Variants in UGT2A1 observed in about 807,000 individuals in gnomAD.
The protein encoded by UGT2A1 is UDP-glucuronosyltransferase 2A1.
Under a neutral mutation model 45.4 loss-of-function variants are expected in UGT2A1, and 61 were observed. That is an observed-to-expected ratio of 1.34 (90% CI 1.09 to 1.66). The LOEUF (loss-of-function observed/expected upper bound fraction) is 1.66, where lower values mean the gene tolerates loss of function less well. UGT2A1 is among the 40% of genes most tolerant of loss of function. UGT2A1 has a pLI of 0.00. For missense variants in UGT2A1, 649 were observed against 574.3 expected, an observed-to-expected ratio of 1.13 and a Z score of -1.33; for synonymous variants, 229 against 196.2, an observed-to-expected ratio of 1.17 and a Z score of -1.40.
Position 69,594,653 on chromosome 4 carries a change from A to T in UGT2A1, c.1128T>A (p.Asn376Lys). 1 of 1,614,116 alleles carries T rather than the reference A, an allele frequency of 6.2e-7. No individual in the cohort carries two copies. Among genetic ancestry groups the T allele is most frequent in the Non-Finnish European group, 8.5e-7 (1 of 1,180,028 alleles). Residue 376 changes from asparagine to lysine, a missense_variant, in exon 6 of 7, where the codon AAT becomes AAA. By Grantham distance (94) the Asn-to-Lys change is moderately conservative. Coordinates refer to ENST00000286604, the MANE Select transcript of UGT2A1 (RefSeq NM_001252275.3). The stretch of plus-strand genomic sequence containing the variant: ...CGTGGTAAATAGCTTCGTAGATCCC[A>T]TTAGTTCCACCATGAGTGATAAAAG... The part of the protein sequence containing the change: ...TKAFITHGGT[N>K]GIYEAIYHGV...
chr4:69,617,010 T>C (rs373591331), intron 3 of UGT2A1, among the ~76,000 whole-genome samples: 9 of 151,884 alleles, frequency 5.9e-5, no homozygotes, highest in Admixed American at 2.6e-4. Flanking sequence ...ATGAGAAATA[T>C]GTAGCTGGTG....
At chr4:69,631,823 G>C (rs1356537833) in intron 3 of UGT2A1, among the ~76,000 whole-genome samples, 2 of 152,048 alleles carry the variant, frequency 1.3e-5, no homozygotes, top group African/African-American at 4.8e-5. Context: ...AATCACAATT[G>C]AGCTAAAAAC....
intron 2 of UGT2A1, among the ~76,000 whole-genome samples, chr4:69,644,860 A>T (rs910195430): frequency 2.0e-5 from 3 of 151,746 alleles, no homozygotes; most frequent in African/African-American, 7.3e-5. Flanking sequence ...CCTCATTCAC[A>T]TACTAACCTA....
chr4:69,641,531 C>G (rs2109972913), intron 2 of UGT2A1, among the ~76,000 whole-genome samples: 1 of 151,862 alleles, frequency 6.6e-6, no homozygotes, highest in African/African-American at 2.4e-5. Flanking sequence ...AGCCTGGAAA[C>G]CAGCTTTCAT....
At chr4:69,641,514 C>CA (rs35101874) in intron 2 of UGT2A1, among the ~76,000 whole-genome samples, 20 of 151,466 alleles carry the variant, frequency 1.3e-4, no homozygotes, top group African/African-American at 2.7e-4. Context: ...TCCCCAAGGC[C>CA]AAAAAAAGCC....
At chr4:69,598,950 C>T (rs1402866096) in intron 4 of UGT2A1, among the ~76,000 whole-genome samples, 1 of 152,068 alleles carries the variant, frequency 6.6e-6, no homozygotes. Flanking sequence ...GGGCAGTATC[C>T]TTCGTAATTT....
rs1055151153 is a variant in UGT2A1 at position 69,627,942 on chromosome 4, G to A, written c.847+7749C>T. Among the ~76,000 whole-genome samples the A allele has an allele frequency of 5.9e-5, 9 of 151,734 alleles. No individual in the cohort carries two copies. In the East Asian group the frequency reaches 9.7e-4, roughly 16 times the overall value. On this transcript the variant is annotated intron_variant, in intron 3 of 6. Transcript: ENST00000286604. Reference sequence around the variant, plus strand: ...ACCCTTTATCATATATATGTCTTACGAATATTCACTTCCATTCCACAGATT... The same window carrying A: ...ACCCTTTATCATATATATGTCTTACAAATATTCACTTCCATTCCACAGATT...
intron 2 of UGT2A1, chr4:69,639,391 G>GT (rs1721922420): frequency 6.2e-7 from 1 of 1,613,398 alleles, no homozygotes; most frequent in South Asian, 1.1e-5. Context: ...TAGGAAACAG[G>GT]TATCACTTCA....
chr4:69,626,270 C>T (rs1028789992), intron 3 of UGT2A1, among the ~76,000 whole-genome samples: 1 of 150,660 alleles, frequency 6.6e-6, no homozygotes, highest in African/African-American at 2.4e-5. Context: ...CATTTTATTT[C>T]GGAGTAAATT....
intron 6 of UGT2A1, among the ~76,000 whole-genome samples, chr4:69,593,310 T>C (rs1382068792): frequency 7.0e-6 from 1 of 143,016 alleles, no homozygotes; most frequent in Non-Finnish European, 1.5e-5. Flanking sequence ...AGAGTAAATG[T>C]GAGAAAAAAA....
chr4:69,642,430 G>A (rs1157204194), intron 2 of UGT2A1, among the ~76,000 whole-genome samples: 1 of 151,558 alleles, frequency 6.6e-6, no homozygotes, highest in Non-Finnish European at 1.5e-5. Context: ...GCAAAGGAAT[G>A]ATTAGTAAGA....
At position 69,647,528 on chromosome 4, in the gene UGT2A1, A is replaced by C. The variant is rs1338866237; in HGVS notation, c.117T>G (p.Ile39Met). Reference sequence around the variant, plus strand: ...GCTCCTTTTTAATGAGCTCATCTATAATTATCTTAACATTTAGCCAATGAC... The same window carrying C: ...GCTCCTTTTTAATGAGCTCATCTATCATTATCTTAACATTTAGCCAATGAC... ...EGSHWLNVKI[I>M]IDELIKKEHN... The change falls in exon 2 of 7, where the codon ATT becomes ATG. Residue 39 changes from isoleucine (I) to methionine (M), a missense_variant. Ile to Met is a conservative substitution (Grantham distance 10). Coordinates refer to ENST00000286604, the MANE Select transcript of UGT2A1 (RefSeq NM_001252275.3). 2.5e-6 allele frequency: 4 copies of C among 1,612,736 alleles called. No homozygotes were observed. In the African/African-American group the frequency reaches 5.3e-5, roughly 22 times the overall value.
At chr4:69,627,530 AAGAAAGAGAGAGAG>A (rs1322915442) in intron 3 of UGT2A1, among the ~76,000 whole-genome samples, 7 of 114,844 alleles carry the variant, frequency 6.1e-5, no homozygotes, top group African/African-American at 9.6e-5. Context: ...AGAAGAAAGA[AAGAAAGAGAGAGAG>A]AGAAAGAGAG....
intron 1 of UGT2A1, among the ~76,000 whole-genome samples, chr4:69,650,659 A>G (rs1234418226): frequency 6.6e-6 from 1 of 152,134 alleles, no homozygotes; most frequent in African/African-American, 2.4e-5. Context: ...ATATATTTAA[A>G]TAGATACAAT....
At chr4:69,635,849 AAG>A (rs760585451) in intron 2 of UGT2A1, 27 bp from the exon 3 acceptor site, 2,539 of 118,152 alleles carry the variant, frequency 0.021, 160 homozygotes, top group African/African-American at 0.074. Flanking sequence ...AAAAAAAAAA[AAG>A]AGAGAGAGAG....
intron 4 of UGT2A1, chr4:69,596,138 G>C: frequency 7.7e-7 from 1 of 1,305,928 alleles, no homozygotes; most frequent in Non-Finnish European, 9.9e-7. Context: ...ACTGTTACTA[G>C]TGATACTCAG....
At chr4:69,622,430 TA>T (rs1470549753) in intron 3 of UGT2A1, among the ~76,000 whole-genome samples, 5 of 151,784 alleles carry the variant, frequency 3.3e-5, no homozygotes, top group African/African-American at 1.2e-4. Context: ...AATTCTTAAC[TA>T]CATAGAAAGT....
intron 3 of UGT2A1, among the ~76,000 whole-genome samples, chr4:69,608,947 A>G (rs1719854011): frequency 6.6e-6 from 1 of 152,142 alleles, no homozygotes; most frequent in South Asian, 2.1e-4. Flanking sequence ...CAGCATAAAA[A>G]TCCTTTTTTT....
intron 6 of UGT2A1, among the ~76,000 whole-genome samples, chr4:69,593,533 ACTAT>A (rs1310830057): frequency 1.3e-5 from 2 of 151,068 alleles, no homozygotes; most frequent in Non-Finnish European, 3.0e-5. Flanking sequence ...ATACACACAC[ACTAT>A]CTACTAAGCT....
Sources: allele counts gnomAD v4.1 joint callset (sites outside exome capture counted in the v4.1 genomes callset), GRCh38; gene constraint gnomAD v4.1.1; transcripts MANE v1.5; gene names NCBI Gene and HGNC (gene_info 2026-07-23, HGNC 2026-07-21).